INSL6: variants seen among roughly 807,000 people sequenced by gnomAD.
INSL6 encodes insulin-like peptide INSL6.
In INSL6, 16 loss-of-function variants were observed where a neutral mutation model predicts 9.4. That is an observed-to-expected ratio of 1.70 (90% CI 1.15 to 2.59). INSL6 has a LOEUF of 2.59. INSL6 is among the 30% of genes most tolerant of loss of function. The probability of loss-of-function intolerance (pLI) is 0.00; values close to 1 mark genes in which losing one functional copy is unlikely to be tolerated. For synonymous variants in INSL6, 154 were observed against 96.9 expected (o/e 1.59, Z -3.46); for missense variants, 391 against 257.3 (o/e 1.52, Z -3.56).
At chr9:5,180,394 T>G (rs1157596774) in intron 1 of INSL6, among the ~76,000 whole-genome samples, 1 of 152,160 alleles carries the variant, frequency 6.6e-6, no homozygotes, top group Non-Finnish European at 1.5e-5. Flanking sequence ...CCTGCGGGGT[T>G]GGGCAAAAAG....
At chr9:5,041,711 G>C in the INSL6 span, 6 of 504,326 alleles carry the variant, frequency 1.2e-5, no homozygotes, top group Non-Finnish European at 2.0e-5. Context: ...TCGACTCTGA[G>C]TACGAGGGGC....
chr9:5,156,673 G>A (rs898453023), intron 2 of INSL6, among the ~76,000 whole-genome samples: 3 of 152,048 alleles, frequency 2.0e-5, no homozygotes, highest in Non-Finnish European at 4.4e-5. Context: ...GGAAGTCCTA[G>A]GCAATGCAAT....
chr9:5,065,428 C>G, the INSL6 span, among the ~76,000 whole-genome samples: 6 of 152,270 alleles, frequency 3.9e-5, no homozygotes, highest in African/African-American at 1.4e-4. Context: ...CTGAAAGGTT[C>G]AAACACAAGA....
the INSL6 span, among the ~76,000 whole-genome samples, chr9:5,037,262 C>T: frequency 6.6e-6 from 1 of 152,104 alleles, no homozygotes; most frequent in Admixed American, 6.5e-5. Context: ...GTTGGTGGGA[C>T]TGTAAACTAG....
chr9:5,084,259 C>T, the INSL6 span, among the ~76,000 whole-genome samples: 104 of 152,120 alleles, frequency 6.8e-4, no homozygotes, highest in African/African-American at 2.4e-3. Flanking sequence ...TGGATATTTC[C>T]TATCTGTATT....
chr9:5,163,885 T>C lies in INSL6; in HGVS notation c.*28A>G. 1 of 1,411,816 alleles carries C rather than the reference T, an allele frequency of 7.1e-7. No individual in the cohort carries two copies. Among genetic ancestry groups the C allele is most frequent in the Admixed American group, 1.7e-5 (1 of 58,026 alleles). 87.5% of individuals were successfully genotyped at this position (1,411,816 alleles called of 1,614,324 possible). On this transcript the variant is annotated 3_prime_UTR_variant, in exon 2 of 2. Transcript: ENST00000381641. ...GAGTTAAATAAATGTATTAAGCTTTTATTAGGTTAGAAAAAATTCTAAGAT... is the reference window on the plus strand; with the variant it reads ...GAGTTAAATAAATGTATTAAGCTTTCATTAGGTTAGAAAAAATTCTAAGAT...
chr9:5,152,366 C>G (rs1824728492), intron 2 of INSL6, among the ~76,000 whole-genome samples: 1 of 151,800 alleles, frequency 6.6e-6, no homozygotes. Flanking sequence ...AAAATATTGT[C>G]AACAACATAT....
chr9:5,003,072 T>G, the INSL6 span, among the ~76,000 whole-genome samples: 1 of 152,030 alleles, frequency 6.6e-6, no homozygotes, highest in African/African-American at 2.4e-5. Context: ...TTGGACTCTA[T>G]TCTGTTCCAT....
Position 5,152,651 on chromosome 9 carries a change from G to C in INSL6, c.376+11528C>G, listed in dbSNP as rs141953352. On this transcript the variant is annotated intron_variant, in intron 2 of 3. Transcript: ENST00000649639. ...ATAAGACTATTAACTTGATAATCAG[G>C]AGGAAATAATAAAGCTAGAAGCATA... is the stretch of plus-strand genomic sequence containing the variant. 2.0e-5 allele frequency among the ~76,000 whole-genome samples: 3 copies of C among 152,252 alleles called. No homozygotes were observed. In the East Asian group the frequency reaches 5.8e-4, roughly 29 times the overall value.
At chr9:5,066,713 G>A in the INSL6 span, 1 of 1,609,934 alleles carries the variant, frequency 6.2e-7, no homozygotes, top group South Asian at 1.1e-5. Context: ...AAGAAAGCAG[G>A]TAATCAGACT....
At chr9:5,073,587 G>T in the INSL6 span, 1 of 802,770 alleles carries the variant, frequency 1.2e-6, no homozygotes, top group Non-Finnish European at 2.1e-6. Context: ...CTCATCTATA[G>T]TCATGCTGAA....
the INSL6 span, among the ~76,000 whole-genome samples, chr9:5,013,317 T>C: frequency 6.6e-6 from 1 of 152,226 alleles, no homozygotes; most frequent in Non-Finnish European, 1.5e-5. Flanking sequence ...TAGGAATAAT[T>C]GTAGGAAAAA....
At chr9:5,077,670 C>G in the INSL6 span, 1 of 787,716 alleles carries the variant, frequency 1.3e-6, no homozygotes, top group Non-Finnish European at 1.8e-6. Context: ...AAAAATAAAT[C>G]TGTAATTGGA....
the INSL6 span, among the ~76,000 whole-genome samples, chr9:5,067,815 T>C: frequency 1.3e-5 from 2 of 152,116 alleles, no homozygotes; most frequent in Admixed American, 1.3e-4. Flanking sequence ...ATTGTAATTA[T>C]CTAGCATAGG....
At chr9:5,030,457 A>G in the INSL6 span, among the ~76,000 whole-genome samples, 1 of 152,138 alleles carries the variant, frequency 6.6e-6, no homozygotes, top group African/African-American at 2.4e-5. Context: ...TCTCACAAAT[A>G]CCTGTGATTT....
the INSL6 span, chr9:5,029,745 T>C: frequency 1.0e-4 from 158 of 1,568,596 alleles, no homozygotes; most frequent in African/African-American, 1.6e-3. Flanking sequence ...TATTCTGTTG[T>C]GTACCTTTAA....
the INSL6 span, among the ~76,000 whole-genome samples, chr9:5,082,857 G>C: frequency 3.3e-5 from 5 of 152,234 alleles, no homozygotes; most frequent in Non-Finnish European, 7.3e-5. Flanking sequence ...ATTTTTGTGA[G>C]CTTCAGGTTG....
At chr9:5,005,081 TAA>T in the INSL6 span, among the ~76,000 whole-genome samples, 1 of 127,520 alleles carries the variant, frequency 7.8e-6, no homozygotes, top group Non-Finnish European at 1.6e-5. Context: ...CATGCCTGGC[TAA>T]TTTTTTTTTT....
At chr9:5,127,155 T>A in intron 3 of INSL6, 1 of 248,380 alleles carries the variant, frequency 4.0e-6, no homozygotes, top group Non-Finnish European at 7.8e-6. Flanking sequence ...AGAATATGTA[T>A]GTATAGTTTT....
Sources: allele counts gnomAD v4.1 joint callset (sites outside exome capture counted in the v4.1 genomes callset), GRCh38; gene constraint gnomAD v4.1.1; transcripts MANE v1.5; gene names NCBI Gene and HGNC (gene_info 2026-07-23, HGNC 2026-07-21).